Variants in PCDH19 observed in about 807,000 individuals in gnomAD.
PCDH19 encodes the protein protocadherin 19, also known as protocadherin-19.
A neutral mutation model predicts 46.2 loss-of-function variants in PCDH19; 6 were observed. The observed-to-expected ratio is 0.13, with a 90% CI of 0.07 to 0.26. PCDH19 has a LOEUF of 0.26. Among genes scored for constraint, PCDH19 ranks in the 10% least tolerant of loss-of-function variants. The pLI is 1.00. For synonymous variants in PCDH19, 481 were observed against 415.7 expected, an observed-to-expected ratio of 1.16 and a Z score of -1.91; for missense variants, 740 against 972.3, an observed-to-expected ratio of 0.76 and a Z score of 3.18.
In PCDH19 at chrX:100,410,120, G is replaced by C. The variant is rs1287476840; in HGVS notation, c.-1523C>G. On this transcript the variant is annotated 5_prime_UTR_variant, in exon 1 of 6. Coordinates refer to ENST00000373034, the MANE Select transcript of PCDH19 (RefSeq NM_001184880.2). Reference sequence around the variant, plus strand: ...GGAGCGCAACGCGCCAAGGGCCAGCGCCGGGCTAGGGACGCGGGTGCCAGT... The same window carrying C: ...GGAGCGCAACGCGCCAAGGGCCAGCCCCGGGCTAGGGACGCGGGTGCCAGT... 2.4e-5 allele frequency: 7 copies of C among 295,681 alleles called. No individual in the cohort carries two copies. Among genetic ancestry groups the C allele is most frequent in the African/African-American group, 1.9e-4 (7 of 36,315 alleles). The allele number at this position is 295,681 out of a possible 1,213,427, so 24.4% of individuals were successfully genotyped here. A position where few individuals can be genotyped will look rare whatever the true frequency, so the allele number is the denominator to read the frequency against.
At chrX:100,378,395 A>G (rs1417264116) in intron 3 of PCDH19, among the ~76,000 whole-genome samples, 2 of 112,809 alleles carry the variant, frequency 1.8e-5, no homozygotes, top group African/African-American at 6.4e-5. Flanking sequence ...CTACTTTTAA[A>G]ATAACCTGTT....
intron 3 of PCDH19, among the ~76,000 whole-genome samples, chrX:100,385,536 T>C (rs1927687875): frequency 8.9e-6 from 1 of 112,205 alleles, no homozygotes; most frequent in African/African-American, 3.2e-5. Flanking sequence ...AACTAAACCC[T>C]ATCTGTAGAA....
chrX:100,403,773 T>C, intron 1 of PCDH19, 109 bp from the exon 2 acceptor site: 1 of 630,494 alleles, frequency 1.6e-6, no homozygotes, highest in Non-Finnish European at 2.4e-6. Context: ...TAATTAACAC[T>C]GACACAGACC....
rs145680162 is a variant in PCDH19 at position 100,305,492 on chromosome X, C to T, written c.2849-8617G>A. On this transcript the variant is annotated intron_variant, in intron 5 of 5. Transcript: ENST00000373034. ...CCTTAAAGCATAAATCTCACAGGAA[C>T]TATACAACAGTAACACAATGAAAAA... Among the ~76,000 whole-genome samples, 820 of 111,570 alleles carry T rather than the reference C, an allele frequency of 7.3e-3. 6 individuals carry two copies. Among genetic ancestry groups the T allele is most frequent in the Non-Finnish European group, 0.012 (655 of 52,959 alleles).
At chrX:100,379,813 A>G (rs763912911) in intron 3 of PCDH19, among the ~76,000 whole-genome samples, 2 of 111,796 alleles carry the variant, frequency 1.8e-5, no homozygotes, top group South Asian at 7.6e-4. Flanking sequence ...CTCTGATTCT[A>G]TGTTATAAAT....
At chrX:100,373,416 C>G (rs1038720723) in intron 3 of PCDH19, among the ~76,000 whole-genome samples, 4 of 112,979 alleles carry the variant, frequency 3.5e-5, no homozygotes, top group Non-Finnish European at 7.5e-5. Flanking sequence ...AAAGAATCAT[C>G]TCATTGGGGA....
At chrX:100,363,631 A>G (rs1459942074) in intron 3 of PCDH19, among the ~76,000 whole-genome samples, 2 of 102,043 alleles carry the variant, frequency 2.0e-5, no homozygotes, top group Admixed American at 2.2e-4. Flanking sequence ...ATATATATAT[A>G]TATATATATG....
chrX:100,405,500 A>T (rs1034645462), intron 1 of PCDH19, among the ~76,000 whole-genome samples: 4 of 111,016 alleles, frequency 3.6e-5, no homozygotes, highest in Admixed American at 1.9e-4. Context: ...AAATCTTTTT[A>T]AAAAATACTG....
chrX:100,339,747 T>A (rs893097187), intron 5 of PCDH19, among the ~76,000 whole-genome samples: 4 of 111,726 alleles, frequency 3.6e-5, no homozygotes, highest in Non-Finnish European at 7.5e-5. Context: ...ATTCTTTTTG[T>A]ACCTAAACTT....
intron 3 of PCDH19, among the ~76,000 whole-genome samples, chrX:100,402,253 C>G (rs148962980): frequency 5.7e-4 from 64 of 112,233 alleles, no homozygotes; most frequent in African/African-American, 2.1e-3. Flanking sequence ...GTGGAGCAAA[C>G]TTGAGTTATG....
intron 5 of PCDH19, among the ~76,000 whole-genome samples, chrX:100,297,811 A>G (rs1924663617): frequency 9.0e-6 from 1 of 111,091 alleles, no homozygotes; most frequent in African/African-American, 3.3e-5. Context: ...TTACCAAGGC[A>G]TGGACCCAGG....
Position 100,402,644 on chromosome X carries a change from G to A in PCDH19, c.2496C>T (p.Phe832=), listed in dbSNP as rs774555485. ...PLGCRRSEST[F]LNVENQNTRN... ...GGGTATTCTGGTTCTCCACATTCAGGAAAGTGCTCTCAGAGCGGCGGCAGC... is the reference window on the plus strand; with the variant it reads ...GGGTATTCTGGTTCTCCACATTCAGAAAAGTGCTCTCAGAGCGGCGGCAGC... The change falls in exon 3 of 6, where the codon TTC becomes TTT. Residue 832 remains phenylalanine (F), a synonymous_variant. Transcript: ENST00000373034. 8 of 1,209,913 alleles carry A rather than the reference G, an allele frequency of 6.6e-6. No homozygotes were observed. Among genetic ancestry groups the A allele is most frequent in the Admixed American group, 4.4e-5 (2 of 45,847 alleles).
intron 3 of PCDH19, among the ~76,000 whole-genome samples, chrX:100,382,225 C>T (rs1402128569): frequency 1.8e-5 from 2 of 111,029 alleles, no homozygotes; most frequent in African/African-American, 6.6e-5. Flanking sequence ...TTTGTTCTCC[C>T]CCTCCCCAAG....
chrX:100,312,042 G>C (rs1446824174), intron 5 of PCDH19, among the ~76,000 whole-genome samples: 1 of 111,256 alleles, frequency 9.0e-6, no homozygotes, highest in South Asian at 3.8e-4. Context: ...TAAATTGATA[G>C]CCTTAGGGGA....
At chrX:100,330,481 G>A (rs1471915573) in intron 5 of PCDH19, among the ~76,000 whole-genome samples, 1 of 112,460 alleles carries the variant, frequency 8.9e-6, no homozygotes, top group Non-Finnish European at 1.9e-5. Context: ...CCCATGACTT[G>A]GAAGCTGCCT....
rs1027720382 is a variant in PCDH19, at chrX:100,348,779, C to T, written c.2675+1867G>A. ...ACATGTATCCCCAAAGATAAATGTT[C>T]AAACATAAGTTTTTATCTATCAGTC... On this transcript the variant is annotated intron_variant, in intron 4 of 5. Coordinates refer to ENST00000373034, the MANE Select transcript of PCDH19 (RefSeq NM_001184880.2). Among the ~76,000 whole-genome samples, 22 of 111,567 alleles carry T rather than the reference C, an allele frequency of 2.0e-4. No homozygotes were observed. In the Admixed American group the frequency reaches 2.1e-3, roughly 11 times the overall value.
At chrX:100,403,911 G>A (rs184451183) in intron 1 of PCDH19, among the ~76,000 whole-genome samples, 56 of 112,133 alleles carry the variant, frequency 5.0e-4, no homozygotes, top group African/African-American at 1.5e-3. Flanking sequence ...TTGGAAATTC[G>A]ATTTCTGGGC....
intron 3 of PCDH19, among the ~76,000 whole-genome samples, chrX:100,359,792 AGT>A (rs200497239): frequency 1.5e-3 from 141 of 91,553 alleles, no homozygotes; most frequent in African/African-American, 2.0e-3. Context: ...CACATATAAG[AGT>A]GTGTGTGTGT....
intron 5 of PCDH19, among the ~76,000 whole-genome samples, chrX:100,315,846 G>A (rs994136371): frequency 1.8e-5 from 2 of 111,911 alleles, no homozygotes; most frequent in African/African-American, 6.5e-5. Flanking sequence ...TACAAATACA[G>A]AATTCAGTGA....
Sources: allele counts gnomAD v4.1 joint callset (sites outside exome capture counted in the v4.1 genomes callset), GRCh38; gene constraint gnomAD v4.1.1; transcripts MANE v1.5; gene names NCBI Gene and HGNC (gene_info 2026-07-23, HGNC 2026-07-21).